Variants in SGPP2 observed in about 807,000 individuals in gnomAD.
The protein encoded by SGPP2 is sphingosine 1-phosphate phosphohydrolase 2.
SGPP2 carries 30 observed loss-of-function variants against 33.9 expected under a neutral mutation model. The observed-to-expected ratio is 0.89, with a 90% confidence interval of 0.66 to 1.20. The LOEUF (loss-of-function observed/expected upper bound fraction) is 1.20, where lower values mean the gene tolerates loss of function less well. Among genes scored for constraint, SGPP2 ranks in the 50% most tolerant of loss-of-function variants. The pLI is 0.00. For missense variants in SGPP2, 458 were observed against 532.1 expected, an observed-to-expected ratio of 0.86 and a Z score of 1.37; for synonymous variants, 233 against 225.0, an observed-to-expected ratio of 1.04 and a Z score of -0.32.
intron 1 of SGPP2, among the ~76,000 whole-genome samples, chr2:222,455,873 G>A (rs1160037249): frequency 6.6e-6 from 1 of 152,150 alleles, no homozygotes; most frequent in East Asian, 1.9e-4. Context: ...CTGTGCTCCA[G>A]CCTGGGCAAC....
intron 2 of SGPP2, among the ~76,000 whole-genome samples, chr2:222,514,205 G>A (rs531512533): frequency 2.0e-5 from 3 of 152,184 alleles, no homozygotes; most frequent in African/African-American, 7.2e-5. Flanking sequence ...CCTTGAACCT[G>A]CTTTACTATT....
intron 1 of SGPP2, among the ~76,000 whole-genome samples, chr2:222,442,243 T>C (rs1428998964): frequency 6.6e-6 from 1 of 152,254 alleles, no homozygotes; most frequent in Non-Finnish European, 1.5e-5. Context: ...AAAGTTGCTT[T>C]TGAATATCTC....
At chr2:222,508,854 T>C (rs1282178730) in intron 2 of SGPP2, among the ~76,000 whole-genome samples, 15 of 152,212 alleles carry the variant, frequency 9.9e-5, no homozygotes, top group Non-Finnish European at 2.2e-4. Flanking sequence ...GGTTTAGACA[T>C]GAGTAGCACT....
chr2:222,433,062 A>T (rs1343812779), intron 1 of SGPP2, among the ~76,000 whole-genome samples: 1 of 107,144 alleles, frequency 9.3e-6, no homozygotes, highest in Non-Finnish European at 1.9e-5. Context: ...AGAGAGAAAG[A>T]GAGGAGAGAA....
chr2:222,426,006 T>A (rs1441405683), intron 1 of SGPP2, among the ~76,000 whole-genome samples: 1 of 151,632 alleles, frequency 6.6e-6, no homozygotes, highest in Non-Finnish European at 1.5e-5. Context: ...TAGATGAGTA[T>A]GAGAACCCCT....
chr2:222,458,219 T>TG (rs1286427941), intron 1 of SGPP2, among the ~76,000 whole-genome samples: 1 of 151,628 alleles, frequency 6.6e-6, no homozygotes, highest in Non-Finnish European at 1.5e-5. Flanking sequence ...TAGCTATTTT[T>TG]TTTTTTTTAA....
In SGPP2 at chr2:222,480,685, A is replaced by G. The variant is rs73991412; in HGVS notation, c.378+5959A>G. Among the ~76,000 whole-genome samples the G allele has an allele frequency of 6.4e-3, 982 of 152,326 alleles. 14 individuals are homozygous for G. Among genetic ancestry groups the G allele is most frequent in the African/African-American group, 0.023 (947 of 41,560 alleles). On this transcript the variant is annotated intron_variant, in intron 2 of 4. Coordinates refer to ENST00000321276, the MANE Select transcript of SGPP2 (RefSeq NM_152386.4). ...ATGTTGCTCAATTATTTTCTCAGAA[A>G]TATCTGGTGTCAGTACCCGCTTATC...
At chr2:222,428,825 C>T (rs910608791) in intron 1 of SGPP2, among the ~76,000 whole-genome samples, 1 of 133,534 alleles carries the variant, frequency 7.5e-6, no homozygotes, top group South Asian at 2.4e-4. Flanking sequence ...AGAGTCTCAC[C>T]CTGTCATCCA....
intron 1 of SGPP2, among the ~76,000 whole-genome samples, chr2:222,450,512 A>G (rs1469593036): frequency 6.6e-6 from 1 of 152,204 alleles, no homozygotes; most frequent in Non-Finnish European, 1.5e-5. Context: ...GGATGAAACA[A>G]TTGTTACCCT....
chr2:222,448,993 G>A (rs191558987), intron 1 of SGPP2, among the ~76,000 whole-genome samples: 2 of 152,272 alleles, frequency 1.3e-5, no homozygotes, highest in South Asian at 2.1e-4. Context: ...TGAAGGATTT[G>A]GGTTATTTAT....
At position 222,559,529 on chromosome 2, in the gene SGPP2, T is replaced by C. The variant is rs1165516949; in HGVS notation, c.*631T>C. 6.5e-6 allele frequency: 1 copy of C among 153,120 alleles called. No homozygotes were observed. Among genetic ancestry groups the C allele is most frequent in the Non-Finnish European group, 1.5e-5 (1 of 68,730 alleles). 9.5% of individuals were successfully genotyped at this position (153,120 alleles called of 1,614,324 possible). A position where few individuals can be genotyped will look rare whatever the true frequency, so the allele number is the denominator to read the frequency against. On this transcript the variant is annotated 3_prime_UTR_variant, in exon 5 of 5. Transcript: ENST00000321276. The stretch of plus-strand genomic sequence containing the variant: ...CAGGCTGTATTACAGTGGCACAATC[T>C]CAGCTCACTGCAAACTCTGCCTCCC...
In SGPP2 at chr2:222,542,445, C is replaced by T. The variant is rs570777058; in HGVS notation, c.649-15902C>T. On this transcript the variant is annotated intron_variant, in intron 4 of 4. Coordinates refer to ENST00000321276, the MANE Select transcript of SGPP2 (RefSeq NM_152386.4). ...GAGTATGAACGCAGAAGTAAAATTA[C>T]TGGGTCCTGAGGCATGCATATGTTC... Among the ~76,000 whole-genome samples, 234 of 152,306 alleles carry T rather than the reference C, an allele frequency of 1.5e-3. 1 individual carries two copies. Among genetic ancestry groups the T allele is most frequent in the Non-Finnish European group, 1.5e-3 (99 of 68,022 alleles).
chr2:222,500,201 A>C (rs1698345868), intron 2 of SGPP2, among the ~76,000 whole-genome samples: 3 of 151,934 alleles, frequency 2.0e-5, no homozygotes, highest in African/African-American at 7.3e-5. Context: ...TGATACAGTG[A>C]GATGTGAGAC....
chr2:222,432,545 T>C (rs1054093101), intron 1 of SGPP2, among the ~76,000 whole-genome samples: 1 of 152,174 alleles, frequency 6.6e-6, no homozygotes, highest in South Asian at 2.1e-4. Flanking sequence ...GCATATTGTG[T>C]AGTGACTAAC....
At chr2:222,483,925 C>T (rs979821201) in intron 2 of SGPP2, among the ~76,000 whole-genome samples, 3 of 152,222 alleles carry the variant, frequency 2.0e-5, no homozygotes, top group Non-Finnish European at 4.4e-5. Context: ...GCCAGATTGT[C>T]ACCCTCACTA....
At chr2:222,483,833 C>A (rs1698065416) in intron 2 of SGPP2, among the ~76,000 whole-genome samples, 1 of 152,174 alleles carries the variant, frequency 6.6e-6, no homozygotes, top group Non-Finnish European at 1.5e-5. Flanking sequence ...TAAACCACTA[C>A]CCCTACACTT....
chr2:222,508,265 T>A (rs865814137), intron 2 of SGPP2, among the ~76,000 whole-genome samples: 4 of 152,226 alleles, frequency 2.6e-5, no homozygotes, highest in African/African-American at 9.6e-5. Context: ...TCATGTATTA[T>A]ACATATGCCC....
chr2:222,488,962 G>C (rs980752289), intron 2 of SGPP2, among the ~76,000 whole-genome samples: 3 of 152,158 alleles, frequency 2.0e-5, no homozygotes, highest in African/African-American at 7.2e-5. Context: ...GATTCTGGGG[G>C]TTGGGGAATG....
chr2:222,530,280 A>G (rs968411229), intron 4 of SGPP2, among the ~76,000 whole-genome samples: 8 of 152,234 alleles, frequency 5.3e-5, no homozygotes, highest in African/African-American at 1.9e-4. Context: ...TAACAAGAGC[A>G]TTAGCCTGTC....
Sources: allele counts gnomAD v4.1 joint callset (sites outside exome capture counted in the v4.1 genomes callset), GRCh38; gene constraint gnomAD v4.1.1; transcripts MANE v1.5; gene names NCBI Gene and HGNC (gene_info 2026-07-23, HGNC 2026-07-21).